SLC7A5: variants seen among roughly 807,000 people sequenced by gnomAD.
SLC7A5 encodes solute carrier family 7 member 5, also known as large neutral amino acids transporter small subunit 1.
SLC7A5 carries 23 observed loss-of-function variants against 50.2 expected under a neutral mutation model. That is an observed-to-expected ratio of 0.46 (90% CI 0.33 to 0.65). SLC7A5 has a LOEUF of 0.65. Among genes scored for constraint, SLC7A5 ranks in the 30% least tolerant of loss-of-function variants. SLC7A5 has a pLI of 0.02. For synonymous variants in SLC7A5, 393 were observed against 330.6 expected, an observed-to-expected ratio of 1.19 and a Z score of -2.05; for missense variants, 578 against 684.4, an observed-to-expected ratio of 0.84 and a Z score of 1.73.
chr16:87,856,457 G>A (rs540146031), intron 1 of SLC7A5, among the ~76,000 whole-genome samples: 6 of 152,348 alleles, frequency 3.9e-5, no homozygotes, highest in Non-Finnish European at 5.9e-5. Context: ...GCACGGGGCC[G>A]GAGAGCGGCA....
In SLC7A5 at chr16:87,830,230, C is replaced by G. The variant is rs1239152910; in HGVS notation, c.*2740G>C. On this transcript the variant is annotated 3_prime_UTR_variant, in exon 10 of 10. Coordinates refer to ENST00000261622, the MANE Select transcript of SLC7A5 (RefSeq NM_003486.7). Reference sequence around the variant, plus strand: ...GCGTGGCTGGGACACAGACAGGGAGCAGGCATGGCACCTGCGCCACGCAGA... The same window carrying G: ...GCGTGGCTGGGACACAGACAGGGAGGAGGCATGGCACCTGCGCCACGCAGA... 6.6e-6 allele frequency: 1 copy of G among 152,248 alleles called. No individual in the cohort carries two copies. The highest frequency in any genetic ancestry group is 1.5e-5 in the Non-Finnish European group (1 of 68,052). 9.4% of individuals were successfully genotyped at this position (152,248 alleles called of 1,614,324 possible). A position where few individuals can be genotyped will look rare whatever the true frequency, so the allele number is the denominator to read the frequency against.
chr16:87,845,849 G>A lies in SLC7A5; in HGVS notation c.665-4694C>T, dbSNP rs113392116. On this transcript the variant is annotated intron_variant, in intron 2 of 9. Coordinates refer to ENST00000261622, the MANE Select transcript of SLC7A5 (RefSeq NM_003486.7). ...TGGCTGCCCTGGCCTCTGTCCATGC[G>A]TCTGACGAAGGGCACCGGGAGGTGA... 3.2e-3 allele frequency among the ~76,000 whole-genome samples: 482 copies of A among 152,278 alleles called. 2 individuals are homozygous for A. The highest frequency in any genetic ancestry group is 0.011 in the African/African-American group (458 of 41,558).
intron 2 of SLC7A5, among the ~76,000 whole-genome samples, chr16:87,846,925 A>G (rs1208804463): frequency 6.6e-6 from 1 of 152,172 alleles, no homozygotes; most frequent in Non-Finnish European, 1.5e-5. Context: ...CCCATTTCCC[A>G]GGGGAAGACA....
At position 87,869,400 on chromosome 16, in the gene SLC7A5, C is replaced by A. The variant is rs776578590; in HGVS notation, c.23G>T (p.Arg8Leu). Reference protein sequence around the residue: MAGAGPKRRALAAPAAEE... With the variant: MAGAGPKLRALAAPAAEE... The stretch of plus-strand genomic sequence containing the variant: ...GGCCGCCGGCGCCGCTAGCGCGCGC[C>A]GCTTCGGGCCCGCACCCGCCATGCT... The change falls in exon 1 of 10, where the codon CGG becomes CTG. Residue 8 changes from arginine to leucine, a missense_variant. Physicochemically the swap from Arg to Leu is moderately radical, Grantham distance 102. Transcript: ENST00000261622. 6.6e-6 allele frequency: 10 copies of A among 1,516,658 alleles called. No individual in the cohort carries two copies. Among genetic ancestry groups the A allele is most frequent in the Admixed American group, 6.2e-5 (3 of 48,506 alleles). 94.0% of individuals were successfully genotyped at this position (1,516,658 alleles called of 1,614,324 possible). A position where few individuals can be genotyped will look rare whatever the true frequency, so the allele number is the denominator to read the frequency against.
Position 87,831,849 on chromosome 16 carries a change from G to A in SLC7A5, c.*1121C>T, listed in dbSNP as rs1003614080. 6.6e-6 allele frequency: 1 copy of A among 152,280 alleles called. No homozygotes were observed. Among genetic ancestry groups the A allele is most frequent in the African/African-American group, 2.4e-5 (1 of 41,422 alleles). 9.4% of individuals were successfully genotyped at this position (152,280 alleles called of 1,614,324 possible). On this transcript the variant is annotated 3_prime_UTR_variant, in exon 10 of 10. Coordinates refer to ENST00000261622, the MANE Select transcript of SLC7A5 (RefSeq NM_003486.7). The stretch of plus-strand genomic sequence containing the variant: ...GTGGGGACTGGGTGAGAGCCCAGGG[G>A]CCTCCAAACGCAGGCGGCAGAGACG...
At chr16:87,850,686 T>A (rs1382931543) in intron 2 of SLC7A5, among the ~76,000 whole-genome samples, 1 of 152,186 alleles carries the variant, frequency 6.6e-6, no homozygotes, top group African/African-American at 2.4e-5. Flanking sequence ...GCATCCCTGC[T>A]GGACTCAAGC....
intron 6 of SLC7A5, 51 bp from the exon 7 acceptor site, chr16:87,837,992 C>A (rs33957777): frequency 1.4e-6 from 2 of 1,392,088 alleles, no homozygotes; most frequent in African/African-American, 2.8e-5. Flanking sequence ...CAACTCAGCA[C>A]GTGGACAGGG....
intron 2 of SLC7A5, among the ~76,000 whole-genome samples, chr16:87,850,457 G>A (rs932111693): frequency 1.3e-5 from 2 of 152,222 alleles, no homozygotes; most frequent in African/African-American, 4.8e-5. Context: ...CAGCCATGTG[G>A]GACCAGGCAG....
chr16:87,856,765 G>C (rs757335169), intron 1 of SLC7A5, among the ~76,000 whole-genome samples: 1 of 152,220 alleles, frequency 6.6e-6, no homozygotes, highest in Non-Finnish European at 1.5e-5. Flanking sequence ...CCTGCTCTGA[G>C]TACAAGCCTC....
At chr16:87,840,738 G>A (rs370101252) in intron 3 of SLC7A5, among the ~76,000 whole-genome samples, 5 of 152,208 alleles carry the variant, frequency 3.3e-5, no homozygotes, top group Non-Finnish European at 4.4e-5. Context: ...CCGCCTGAGC[G>A]CAGGAGTCAG....
At chr16:87,859,298 C>T (rs2055358574) in intron 1 of SLC7A5, among the ~76,000 whole-genome samples, 1 of 152,194 alleles carries the variant, frequency 6.6e-6, no homozygotes, top group South Asian at 2.1e-4. Flanking sequence ...TACACGGTAG[C>T]AGGTGAAGAC....
At chr16:87,866,449 C>A (rs1342025402) in intron 1 of SLC7A5, among the ~76,000 whole-genome samples, 8 of 151,776 alleles carry the variant, frequency 5.3e-5, no homozygotes, top group South Asian at 2.1e-4. Context: ...TACAGGTGTG[C>A]GCCATGACGC....
rs188828291 is a variant in SLC7A5 at position 87,865,284 on chromosome 16, T to C, written c.538+3601A>G. ...AACAAGTACAAATGGCTTAGGGACA[T>C]GAGAAGTGTGGCCCTAACTTTCGCT... On this transcript the variant is annotated intron_variant, in intron 1 of 9. Coordinates refer to ENST00000261622, the MANE Select transcript of SLC7A5 (RefSeq NM_003486.7). 1.1e-3 allele frequency among the ~76,000 whole-genome samples: 171 copies of C among 152,064 alleles called. 1 individual carries two copies. Among genetic ancestry groups the C allele is most frequent in the African/African-American group, 3.8e-3 (156 of 41,446 alleles).
At chr16:87,865,629 C>T (rs2055450552) in intron 1 of SLC7A5, among the ~76,000 whole-genome samples, 1 of 152,142 alleles carries the variant, frequency 6.6e-6, no homozygotes, top group Non-Finnish European at 1.5e-5. Flanking sequence ...GTCGCTTGAA[C>T]CCGGGATGCG....
At position 87,836,506 on chromosome 16, in the gene SLC7A5, G is replaced by A. The variant is rs1187817236; in HGVS notation, c.1282C>T (p.Pro428Ser). ...LRHRKPELER[P>S]IKVNLALPVF... is the part of the protein sequence containing the mutation. The stretch of plus-strand genomic sequence containing the variant: ...GGAGGCCCCGGGCTCACCTTGATGG[G>A]CCGCTCAAGCTCAGGCTTTCTGTGG... The change falls in exon 8 of 10, where the codon CCC becomes TCC. Residue 428 changes from proline to serine, a missense_variant. Pro to Ser is a moderately conservative substitution (Grantham distance 74). Coordinates refer to ENST00000261622, the MANE Select transcript of SLC7A5 (RefSeq NM_003486.7). The A allele has an allele frequency of 6.2e-7, 1 of 1,611,234 alleles. No individual in the cohort carries two copies. The highest frequency in any genetic ancestry group is 1.1e-5 in the South Asian group (1 of 91,082).
In SLC7A5 at chr16:87,836,604, GAGA is replaced by G. The variant is rs763708213; in HGVS notation, c.1181_1183del (p.Phe394del). 3.1e-6 allele frequency: 5 copies of G among 1,613,656 alleles called. No individual in the cohort carries two copies. The highest frequency in any genetic ancestry group is 4.2e-6 in the Non-Finnish European group (5 of 1,180,044). On this transcript the variant is annotated inframe_deletion, in exon 8 of 10. Coordinates refer to ENST00000261622, the MANE Select transcript of SLC7A5 (RefSeq NM_003486.7). ...GAAGAAGCTGAAGAAGTTGATGACG[GAGA>G]AGATGTCCTTGGAGAAGGCGTAGAG...
intron 1 of SLC7A5, among the ~76,000 whole-genome samples, chr16:87,865,708 G>C (rs116329308): frequency 0.019 from 2,897 of 152,088 alleles, 86 homozygotes; most frequent in African/African-American, 0.066. Context: ...CCATCTCAAA[G>C]ATAAAATAAA....
At chr16:87,844,577 C>A (rs968618893) in intron 2 of SLC7A5, among the ~76,000 whole-genome samples, 1 of 152,256 alleles carries the variant, frequency 6.6e-6, no homozygotes, top group Non-Finnish European at 1.5e-5. Context: ...ACCCTCCAAG[C>A]CTCTGGCTCC....
Position 87,840,889 on chromosome 16 carries a change from T to C in SLC7A5, c.770+161A>G, listed in dbSNP as rs1321845693. Among the ~76,000 whole-genome samples the C allele has an allele frequency of 3.3e-5, 5 of 151,280 alleles. No individual in the cohort carries two copies. In the Middle Eastern group the frequency reaches 0.01, roughly 309 times the overall value. Reference sequence around the variant, plus strand: ...CGCTTCGTCGGGATGTGGGTGACTCTGGAGGGTCACCTGCCACTCTTTAAC... The same window carrying C: ...CGCTTCGTCGGGATGTGGGTGACTCCGGAGGGTCACCTGCCACTCTTTAAC... On this transcript the variant is annotated intron_variant, in intron 3 of 9. Coordinates refer to ENST00000261622, the MANE Select transcript of SLC7A5 (RefSeq NM_003486.7).
Sources: gnomAD v4.1 joint callset for allele counts (sites outside exome capture counted in the v4.1 genomes callset) on GRCh38, gnomAD v4.1.1 for gene constraint, MANE v1.5 for transcripts, NCBI Gene and HGNC (gene_info 2026-07-23, HGNC 2026-07-21) for gene names.